Variants in PABPN1L observed in about 807,000 individuals in gnomAD.
The protein encoded by PABPN1L is embryonic polyadenylate-binding protein 2.
Under a neutral mutation model 34.0 loss-of-function variants are expected in PABPN1L, and 45 were observed. The observed-to-expected ratio is 1.32, with a 90% confidence interval of 1.04 to 1.70. The LOEUF is 1.70. Among genes scored for constraint, PABPN1L ranks in the 40% most tolerant of loss-of-function variants. The pLI, the probability that PABPN1L is intolerant of heterozygous loss-of-function variation, is 0.00. For synonymous variants in PABPN1L, 182 were observed against 152.1 expected (o/e 1.20, Z -1.45); for missense variants, 459 against 367.8 (o/e 1.25, Z -2.03).
chr16:88,865,741 C>A, intron 2 of PABPN1L, 65 bp downstream of exon 2: 1 of 1,558,534 alleles, frequency 6.4e-7, no homozygotes, highest in Non-Finnish European at 8.7e-7. Context: ...CCTGCCAGGC[C>A]CAACCTTAAT....
chr16:88,868,430 C>G (rs575397213), upstream of PABPN1L, among the ~76,000 whole-genome samples: 6 of 152,202 alleles, frequency 3.9e-5, no homozygotes, highest in African/African-American at 1.4e-4. Context: ...TGGTGAAACC[C>G]TGTCTCTACT....
chr16:88,868,594 A>G (rs1041678260), upstream of PABPN1L, among the ~76,000 whole-genome samples: 1 of 152,122 alleles, frequency 6.6e-6, no homozygotes, highest in African/African-American at 2.4e-5. Flanking sequence ...CGACGGAGTG[A>G]GACTGTCTCA....
At chr16:88,866,861 C>T (rs955287129), upstream of PABPN1L, among the ~76,000 whole-genome samples, 5 of 152,238 alleles carry the variant, frequency 3.3e-5, no homozygotes, top group African/African-American at 4.8e-5. Context: ...TGGGGGTCAC[C>T]GGTCTCTTCT....
chr16:88,863,388 C>T (rs561356917), exon 7 of PABPN1L: 20 of 386,428 alleles, frequency 5.2e-5, no homozygotes, highest in Non-Finnish European at 7.7e-5. Flanking sequence ...TTAAGACACA[C>T]GTTTCTATTT....
upstream of PABPN1L, among the ~76,000 whole-genome samples, chr16:88,866,852 G>A (rs1418465558): frequency 6.6e-6 from 1 of 152,248 alleles, no homozygotes; most frequent in Admixed American, 6.5e-5. Context: ...TGAGTTGAGT[G>A]GGGGTCACCG....
At chr16:88,867,605 G>A (rs1381520124), upstream of PABPN1L, among the ~76,000 whole-genome samples, 1 of 151,868 alleles carries the variant, frequency 6.6e-6, no homozygotes, top group Non-Finnish European at 1.5e-5. Flanking sequence ...TCCGTGGGGA[G>A]TGACGGCGTG....
At chr16:88,869,553 G>A (rs1254732693), upstream of PABPN1L, among the ~76,000 whole-genome samples, 1 of 152,202 alleles carries the variant, frequency 6.6e-6, no homozygotes, top group Non-Finnish European at 1.5e-5. Flanking sequence ...ACCGAGGACA[G>A]GTACGCTGGG....
At chr16:88,864,818 G>A (rs537887374) in intron 5 of PABPN1L, 35 bp downstream of exon 5, 135 of 1,559,746 alleles carry the variant, frequency 8.7e-5, no homozygotes, top group Middle Eastern at 3.5e-4. Flanking sequence ...GCCCCTCTGC[G>A]CTCATGTTCC....
At chr16:88,864,096 C>A in intron 6 of PABPN1L, 141 bp downstream of exon 6, 5 of 1,187,000 alleles carry the variant, frequency 4.2e-6, no homozygotes, top group Non-Finnish European at 5.7e-6. Context: ...CCAGCTGATG[C>A]AGCAGCCACA....
At chr16:88,865,253 C>G in intron 3 of PABPN1L, 125 bp from the exon 4 acceptor site, 1 of 970,308 alleles carries the variant, frequency 1.0e-6, no homozygotes, top group Admixed American at 2.5e-5. Context: ...CAGGCCTCCA[C>G]CCCACACCCC....
chr16:88,869,740 C>A (rs1218745645), upstream of PABPN1L, among the ~76,000 whole-genome samples: 1 of 152,248 alleles, frequency 6.6e-6, no homozygotes, highest in Non-Finnish European at 1.5e-5. Flanking sequence ...CAGGCCCTGA[C>A]GCATGCCCCT....
intron 3 of PABPN1L, among the ~76,000 whole-genome samples, 171 bp from the exon 4 acceptor site, chr16:88,865,299 C>T (rs1340362461): frequency 2.0e-5 from 3 of 151,326 alleles, no homozygotes; most frequent in Admixed American, 6.6e-5. Flanking sequence ...AAGGATATCT[C>T]GTATGGAGCG....
At chr16:88,864,520 G>T in intron 5 of PABPN1L, 141 bp from the exon 6 acceptor site, 1 of 1,253,096 alleles carries the variant, frequency 8.0e-7, no homozygotes, top group Non-Finnish European at 1.1e-6. Flanking sequence ...CCCTGCCTTT[G>T]CCTACCATAG....
At chr16:88,863,952 G>C (rs979261915) in intron 6 of PABPN1L, among the ~76,000 whole-genome samples, 157 bp from the exon 7 acceptor site, 2 of 152,200 alleles carry the variant, frequency 1.3e-5, no homozygotes, top group Non-Finnish European at 2.9e-5. Flanking sequence ...CTGCTCTCTT[G>C]GGAGGGTCCC....
At chr16:88,867,124 T>C (rs1044960756), upstream of PABPN1L, among the ~76,000 whole-genome samples, 3 of 150,644 alleles carry the variant, frequency 2.0e-5, no homozygotes, top group African/African-American at 7.3e-5. Context: ...TGGGGCGGGG[T>C]CCTGGGCCCA....
chr16:88,864,115 C>CCAGGCCCCGCCAGGTACATTCCTG, intron 6 of PABPN1L, 122 bp downstream of exon 6: 1 of 1,330,196 alleles, frequency 7.5e-7, no homozygotes, highest in Non-Finnish European at 1.0e-6. Flanking sequence ...CAGCCCTCAC[C>CCAGGCCCCGCCAGGTACATTCCTG]CAGGCCCCGC....
At chr16:88,864,179 CCT>C in intron 6 of PABPN1L, 56 bp downstream of exon 6, 4 of 1,510,936 alleles carry the variant, frequency 2.6e-6, no homozygotes, top group South Asian at 2.5e-5. Context: ...CCCTCCTGCC[CCT>C]GATGCCCTCC....
intron 5 of PABPN1L, 112 bp from the exon 6 acceptor site, chr16:88,864,491 C>G: frequency 8.5e-6 from 12 of 1,408,274 alleles, no homozygotes; most frequent in Non-Finnish European, 1.1e-5. Flanking sequence ...CTCAGGATAC[C>G]ATTCGGGCCT....
intron 2 of PABPN1L, 49 bp from the exon 3 acceptor site, chr16:88,865,679 T>C: frequency 6.4e-7 from 1 of 1,565,374 alleles, no homozygotes; most frequent in Non-Finnish European, 8.7e-7. Flanking sequence ...CCTTCCTCAC[T>C]CCTCTCACGG....
Sources: gnomAD v4.1 joint callset for allele counts (sites outside exome capture counted in the v4.1 genomes callset) on GRCh38, gnomAD v4.1.1 for gene constraint, MANE v1.5 for transcripts, NCBI Gene and HGNC (gene_info 2026-07-23, HGNC 2026-07-21) for gene names.